The following CDH2 variants were observed in gnomAD, a reference collection of about 807,000 sequenced individuals.
The protein encoded by CDH2 is cadherin-2.
Under a neutral mutation model 92.0 loss-of-function variants are expected in CDH2, and 17 were observed. The observed-to-expected ratio is 0.18, with a 90% CI of 0.13 to 0.28. The LOEUF is 0.28. Among genes scored for constraint, CDH2 ranks in the 10% least tolerant of loss-of-function variants. The pLI, the probability that CDH2 is intolerant of heterozygous loss-of-function variation, is 1.00. For missense variants in CDH2, 862 were observed against 1,133.1 expected, an observed-to-expected ratio of 0.76 and a Z score of 3.44; for synonymous variants, 419 against 415.9, an observed-to-expected ratio of 1.01 and a Z score of -0.09.
intron 2 of CDH2, among the ~76,000 whole-genome samples, chr18:28,114,521 T>C (rs2015464038): frequency 1.3e-5 from 2 of 152,190 alleles, no homozygotes; most frequent in South Asian, 2.1e-4. Context: ...ATTAAACTTA[T>C]ACTTGAATTT....
intron 2 of CDH2, among the ~76,000 whole-genome samples, chr18:28,131,271 TA>T (rs943904851): frequency 1.4e-4 from 21 of 151,468 alleles, no homozygotes; most frequent in East Asian, 1.9e-4. Flanking sequence ...TGCTAGGAAC[TA>T]AAAAAAAATT....
intron 2 of CDH2, among the ~76,000 whole-genome samples, chr18:28,104,755 G>C (rs530855712): frequency 4.5e-4 from 67 of 150,422 alleles, no homozygotes; most frequent in African/African-American, 1.6e-3. Flanking sequence ...CTTCTATCTA[G>C]ATAGATATAT....
intron 7 of CDH2, among the ~76,000 whole-genome samples, chr18:28,001,685 A>G (rs1000265371): frequency 6.6e-6 from 1 of 152,354 alleles, no homozygotes; most frequent in South Asian, 2.1e-4. Context: ...GTTGATGCCT[A>G]CAAGTCAATA....
chr18:28,109,425 T>TA (rs2015375062), intron 2 of CDH2, among the ~76,000 whole-genome samples: 1 of 152,178 alleles, frequency 6.6e-6, no homozygotes, highest in Admixed American at 6.5e-5. Flanking sequence ...TTCTCCTCCT[T>TA]ACACAGTTCA....
intron 2 of CDH2, among the ~76,000 whole-genome samples, chr18:28,111,282 A>G (rs1454619301): frequency 6.6e-6 from 1 of 152,198 alleles, no homozygotes; most frequent in Non-Finnish European, 1.5e-5. Flanking sequence ...AGACAGAGAT[A>G]TTTCGAGGCA....
At chr18:28,175,758 G>C (rs2016530020) in intron 1 of CDH2, among the ~76,000 whole-genome samples, 1 of 152,226 alleles carries the variant, frequency 6.6e-6, no homozygotes, top group South Asian at 2.1e-4. Context: ...CTGCCAGCTG[G>C]CAGTAGAGCA....
At chr18:28,072,087 C>A (rs1020030553) in intron 2 of CDH2, among the ~76,000 whole-genome samples, 1 of 152,010 alleles carries the variant, frequency 6.6e-6, no homozygotes, top group African/African-American at 2.4e-5. Context: ...ATTCTCTCTG[C>A]CTTGAAACTC....
chr18:28,022,514 T>G (rs1159789864), intron 2 of CDH2, among the ~76,000 whole-genome samples: 2 of 152,054 alleles, frequency 1.3e-5, no homozygotes, highest in South Asian at 4.1e-4. Context: ...AACGAAAACT[T>G]TATTAACAAG....
chr18:28,006,640 C>G (rs551213378), intron 5 of CDH2, among the ~76,000 whole-genome samples: 6 of 148,754 alleles, frequency 4.0e-5, no homozygotes, highest in African/African-American at 1.5e-4. Flanking sequence ...GCAAGAGAAT[C>G]ACTTGAACCC....
intron 2 of CDH2, among the ~76,000 whole-genome samples, chr18:28,042,077 C>T (rs966572299): frequency 1.3e-4 from 19 of 151,992 alleles, no homozygotes; most frequent in African/African-American, 4.1e-4. Flanking sequence ...TCTGAAATGC[C>T]GAACTGCTAA....
rs143933658 is a variant in CDH2 at position 27,969,163 on chromosome 18, C to G, written c.2350-5642G>C. Among the ~76,000 whole-genome samples the G allele has an allele frequency of 2.2e-4, 33 of 152,318 alleles. 1 individual carries two copies. The East Asian group carries it at 5.4e-3, about 25-fold the overall frequency. ...ATTCCATGGATTATCACAGCCCCCC[C>G]ACCAACAAAAAATTTGCTAAAAGCT... On this transcript the variant is annotated intron_variant, in intron 14 of 15. Transcript: ENST00000269141.
chr18:28,064,930 C>T (rs950817019), intron 2 of CDH2, among the ~76,000 whole-genome samples: 4 of 152,090 alleles, frequency 2.6e-5, no homozygotes, highest in Middle Eastern at 3.2e-3. Context: ...CCTTGAACTT[C>T]CCTAGCTTCA....
chr18:27,935,369 C>T (rs1908993315), intron 6 of CDH2, among the ~76,000 whole-genome samples: 1 of 152,134 alleles, frequency 6.6e-6, no homozygotes, highest in African/African-American at 2.4e-5. Flanking sequence ...GGAGGTGCTA[C>T]ATACTTTCAC....
At chr18:27,991,964 T>C (rs570161096) in intron 9 of CDH2, among the ~76,000 whole-genome samples, 4 of 152,366 alleles carry the variant, frequency 2.6e-5, no homozygotes, top group South Asian at 4.1e-4. Context: ...GCATTTATTA[T>C]TCTTGAAGAA....
rs28365306 is a variant in CDH2 at position 28,111,625 on chromosome 18, T to C, written c.172+36048A>G. The stretch of plus-strand genomic sequence containing the variant: ...GATGTCTTGATCAACCTGAAACTTT[T>C]GAGTGAAGTCAAACCCTGGCAGAAA... On this transcript the variant is annotated intron_variant, in intron 2 of 15. Coordinates refer to ENST00000269141, the MANE Select transcript of CDH2 (RefSeq NM_001792.5). Among the ~76,000 whole-genome samples the C allele has an allele frequency of 9.2e-5, 14 of 152,286 alleles. No individual in the cohort carries two copies. In the East Asian group the frequency reaches 2.1e-3, roughly 23 times the overall value.
chr18:28,088,234 T>C (rs2014972021), intron 2 of CDH2, among the ~76,000 whole-genome samples: 1 of 152,206 alleles, frequency 6.6e-6, no homozygotes, highest in African/African-American at 2.4e-5. Flanking sequence ...TCTACTTTTC[T>C]TGGGGAAGGA....
In CDH2 at chr18:27,959,891, T is replaced by C. The variant is rs554566906; in HGVS notation, c.2514+3466A>G. Among the ~76,000 whole-genome samples the C allele has an allele frequency of 7.9e-5, 12 of 152,214 alleles. No homozygotes were observed. The South Asian group carries it at 2.5e-3, about 32-fold the overall frequency. ...TAGGCCAGGTGTGGTGGCTCACACC[T>C]GTAATCCCAGCGCTTTGGAAGGTTG... On this transcript the variant is annotated intron_variant, in intron 15 of 15. Transcript: ENST00000269141.
At chr18:28,170,412 C>A (rs1482462886) in intron 1 of CDH2, among the ~76,000 whole-genome samples, 1 of 152,130 alleles carries the variant, frequency 6.6e-6, no homozygotes, top group Non-Finnish European at 1.5e-5. Flanking sequence ...GTGGCATGAT[C>A]TCGGCTCACT....
chr18:28,051,205 T>C, intron 2 of CDH2, among the ~76,000 whole-genome samples: 1 of 152,204 alleles, frequency 6.6e-6, no homozygotes, highest in East Asian at 1.9e-4. Flanking sequence ...CAGATATATT[T>C]CCTAGTACCT....
Sources: allele counts gnomAD v4.1 joint callset (sites outside exome capture counted in the v4.1 genomes callset), GRCh38; gene constraint gnomAD v4.1.1; transcripts MANE v1.5; gene names NCBI Gene and HGNC (gene_info 2026-07-23, HGNC 2026-07-21).